Variants in DLGAP2 observed in about 807,000 individuals in gnomAD.
DLGAP2 encodes the protein DLG associated protein 2.
DLGAP2 carries 26 observed loss-of-function variants against 100.3 expected under a neutral mutation model. The observed-to-expected ratio is 0.26, with a 90% CI of 0.19 to 0.36. The LOEUF (loss-of-function observed/expected upper bound fraction) is 0.36. Ranked by LOEUF, DLGAP2 falls within the 10% of genes least tolerant of loss-of-function variation. The probability of loss-of-function intolerance (pLI) is 1.00; values close to 1 mark genes in which losing one functional copy is unlikely to be tolerated. For missense variants in DLGAP2, 1,858 were observed against 1,453.2 expected (o/e 1.28, Z -4.53); for synonymous variants, 886 against 630.1 (o/e 1.41, Z -6.08).
At chr8:999,303 G>T (rs867150474) in intron 2 of DLGAP2, among the ~76,000 whole-genome samples, 1 of 151,420 alleles carries the variant, frequency 6.6e-6, no homozygotes, top group Admixed American at 6.6e-5. Flanking sequence ...GACCCTTCCT[G>T]TGTATTCCCC....
chr8:1,420,025 T>G (rs1252077669), intron 3 of DLGAP2, among the ~76,000 whole-genome samples: 3 of 152,224 alleles, frequency 2.0e-5, no homozygotes, highest in Non-Finnish European at 2.9e-5. Context: ...GGGTTTTTTA[T>G]GTAGACTTTG....
intron 3 of DLGAP2, among the ~76,000 whole-genome samples, chr8:1,463,348 C>T (rs557096455): frequency 1.2e-4 from 18 of 152,320 alleles, no homozygotes; most frequent in East Asian, 9.7e-4. Flanking sequence ...GGAGCAACTG[C>T]GTTACGTGTG....
At position 1,286,642 on chromosome 8, in the gene DLGAP2, G is replaced by T. The variant is rs150587020; in HGVS notation, c.106+27759G>T. 3.3e-5 allele frequency among the ~76,000 whole-genome samples: 5 copies of T among 152,238 alleles called. No homozygotes were observed. In the East Asian group the frequency reaches 9.7e-4, roughly 29 times the overall value. The stretch of plus-strand genomic sequence containing the variant: ...CTAGTCTGACCTGAACTGTGTATCC[G>T]TGCTGGGCTGTACAGCATCTCACAC... On this transcript the variant is annotated intron_variant, in intron 3 of 14. Coordinates refer to ENST00000637795, the MANE Select transcript of DLGAP2 (RefSeq NM_001346810.2).
rs57932851 is a variant in DLGAP2 at position 970,437 on chromosome 8, C to T, written c.73+62471C>T. Among the ~76,000 whole-genome samples, 656 of 152,288 alleles carry T rather than the reference C, an allele frequency of 4.3e-3. 6 individuals are homozygous for T. Among genetic ancestry groups the T allele is most frequent in the African/African-American group, 0.015 (616 of 41,550 alleles). On this transcript the variant is annotated intron_variant, in intron 2 of 14. Transcript: ENST00000637795. ...TGGCTGATCAACGTTTATCAGCCCA[C>T]CAGTGCTTAAGGACAAATGGCAGAA...
intron 8 of DLGAP2, among the ~76,000 whole-genome samples, chr8:1,662,968 G>A (rs989396548): frequency 6.7e-6 from 1 of 148,622 alleles, no homozygotes; most frequent in African/African-American, 2.5e-5. Context: ...GTGAGTGTGG[G>A]GTATGACTGT....
At chr8:1,138,458 C>G (rs1428504243) in intron 2 of DLGAP2, among the ~76,000 whole-genome samples, 1 of 152,240 alleles carries the variant, frequency 6.6e-6, no homozygotes, top group Non-Finnish European at 1.5e-5. Context: ...CTCGTGGCCT[C>G]ACTCATGGCC....
At chr8:1,206,166 G>A (rs1284557854) in intron 2 of DLGAP2, among the ~76,000 whole-genome samples, 2 of 152,298 alleles carry the variant, frequency 1.3e-5, no homozygotes, top group South Asian at 2.1e-4. Context: ...AAGGGAAGGC[G>A]CTGTGAGAAG....
At chr8:878,448 T>G (rs1797724700) in intron 1 of DLGAP2, among the ~76,000 whole-genome samples, 1 of 152,110 alleles carries the variant, frequency 6.6e-6, no homozygotes, top group East Asian at 1.9e-4. Context: ...GGACGATAAG[T>G]AGAGGTTGTG....
intron 1 of DLGAP2, among the ~76,000 whole-genome samples, chr8:799,326 C>T (rs1796099975): frequency 6.6e-6 from 1 of 152,022 alleles, no homozygotes; most frequent in African/African-American, 2.4e-5. Context: ...GCGCTTGTCT[C>T]GTGGGCAGAG....
chr8:1,449,022 G>A (rs191534313), intron 3 of DLGAP2, among the ~76,000 whole-genome samples: 8 of 152,334 alleles, frequency 5.3e-5, no homozygotes, highest in Admixed American at 1.3e-4. Flanking sequence ...AGGCTGTGAT[G>A]GGGAGGCTCA....
intron 3 of DLGAP2, among the ~76,000 whole-genome samples, chr8:1,414,685 C>T (rs1177512535): frequency 8.0e-6 from 1 of 125,086 alleles, no homozygotes; most frequent in East Asian, 3.4e-4. Context: ...GCGTGTCTTG[C>T]CTTTACAAGC....
intron 2 of DLGAP2, among the ~76,000 whole-genome samples, chr8:1,008,983 G>T (rs1400151211): frequency 1.3e-5 from 2 of 152,250 alleles, no homozygotes; most frequent in African/African-American, 2.4e-5. Flanking sequence ...GCACTGCCAT[G>T]GCCAGACCCT....
intron 2 of DLGAP2, among the ~76,000 whole-genome samples, chr8:1,234,276 C>G (rs1032855359): frequency 2.6e-5 from 4 of 152,176 alleles, no homozygotes; most frequent in African/African-American, 9.7e-5. Context: ...TCTCACCGCT[C>G]TGGAGGCCAC....
chr8:1,112,865 A>C (rs1563198586), intron 2 of DLGAP2, among the ~76,000 whole-genome samples: 2 of 152,154 alleles, frequency 1.3e-5, no homozygotes, highest in Non-Finnish European at 2.9e-5. Flanking sequence ...TAATCCATCT[A>C]GAGTTGCTTT....
chr8:860,527 C>T (rs1797368964), intron 1 of DLGAP2, among the ~76,000 whole-genome samples: 1 of 152,212 alleles, frequency 6.6e-6, no homozygotes, highest in African/African-American at 2.4e-5. Context: ...GTGGACGCCT[C>T]CCGGCAAACC....
At chr8:1,256,181 TGGGTGCTGTGTGTGTCCTCTCATGCCC>T (rs1158872080) in intron 2 of DLGAP2, among the ~76,000 whole-genome samples, 5 of 117,708 alleles carry the variant, frequency 4.2e-5, no homozygotes, top group African/African-American at 1.3e-4. Flanking sequence ...TCATCCTGCC[TGGGTGCTGTGTGTGTCCTCTCATGCCC>T]GGGTGCTGTG....
intron 2 of DLGAP2, among the ~76,000 whole-genome samples, chr8:1,215,391 C>T (rs112661722): frequency 6.6e-6 from 1 of 151,682 alleles, no homozygotes; most frequent in Non-Finnish European, 1.5e-5. Flanking sequence ...GAGTGGTACC[C>T]TGATGGGTTC....
chr8:1,373,272 G>T (rs951254866), intron 3 of DLGAP2, among the ~76,000 whole-genome samples: 1 of 151,852 alleles, frequency 6.6e-6, no homozygotes, highest in Non-Finnish European at 1.5e-5. Context: ...CGCCACGCGC[G>T]TGCGGCCCGG....
chr8:1,697,716 C>T (rs907406916), intron 14 of DLGAP2, among the ~76,000 whole-genome samples: 52 of 152,214 alleles, frequency 3.4e-4, no homozygotes, highest in Admixed American at 3.4e-3. Flanking sequence ...TGGTTATGGA[C>T]TATCTCCTAT....
Sources: gnomAD v4.1 joint callset for allele counts (sites outside exome capture counted in the v4.1 genomes callset) on GRCh38, gnomAD v4.1.1 for gene constraint, MANE v1.5 for transcripts, NCBI Gene and HGNC (gene_info 2026-07-23, HGNC 2026-07-21) for gene names.